MCPH1: variants seen among roughly 807,000 people sequenced by gnomAD.
The protein encoded by MCPH1 is microcephalin 1.
In MCPH1, 104 loss-of-function variants were observed where a neutral mutation model predicts 84.5. The ratio of observed to expected loss-of-function variants is 1.23; its 90% confidence interval spans 1.05 to 1.45. The LOEUF (loss-of-function observed/expected upper bound fraction) is 1.45. MCPH1 is among the 40% of genes most tolerant of loss of function. The pLI is 0.00. For missense variants in MCPH1, 1,498 were observed against 1,005.7 expected (o/e 1.49, Z -6.62); for synonymous variants, 514 against 366.8 (o/e 1.40, Z -4.58).
intron 12 of MCPH1, among the ~76,000 whole-genome samples, chr8:6,597,246 C>T (rs1168181109): frequency 6.6e-6 from 1 of 152,190 alleles, no homozygotes; most frequent in Non-Finnish European, 1.5e-5. Context: ...GCACCATGGA[C>T]GCCGTCTTTA....
chr8:6,621,833 C>A (rs910772790), intron 13 of MCPH1, 142 bp downstream of exon 13: 2 of 1,125,720 alleles, frequency 1.8e-6, no homozygotes, highest in Non-Finnish European at 2.7e-6. Context: ...TCTGCCCTGG[C>A]AGCGTCGTGT....
chr8:6,533,536 T>A (rs1819924289), intron 12 of MCPH1, among the ~76,000 whole-genome samples: 1 of 151,788 alleles, frequency 6.6e-6, no homozygotes, highest in African/African-American at 2.4e-5. Context: ...AGTCATTGTG[T>A]ATGCGTAACT....
At chr8:6,479,469 C>T (rs1586016119) in intron 10 of MCPH1, among the ~76,000 whole-genome samples, 1 of 151,632 alleles carries the variant, frequency 6.6e-6, no homozygotes, top group South Asian at 2.1e-4. Context: ...GAGTCTCCCT[C>T]TGTCACCCAG....
At chr8:6,489,357 G>T (rs569756440) in intron 11 of MCPH1, among the ~76,000 whole-genome samples, 1 of 152,134 alleles carries the variant, frequency 6.6e-6, no homozygotes, top group South Asian at 2.1e-4. Flanking sequence ...TAGCAACCTG[G>T]GGGAGACACC....
At chr8:6,435,937 AT>A (rs1304649236) in intron 4 of MCPH1, 110 bp from the exon 5 acceptor site, 20 of 1,341,882 alleles carry the variant, frequency 1.5e-5, no homozygotes, top group Non-Finnish European at 1.9e-5. Flanking sequence ...CTCTTTTAGA[AT>A]TTTTTATTAC....
chr8:6,628,328 G>A (rs1010282653), intron 13 of MCPH1, among the ~76,000 whole-genome samples: 2 of 151,758 alleles, frequency 1.3e-5, no homozygotes, highest in Admixed American at 6.6e-5. Context: ...AAAATTAGCC[G>A]GTCGTGGTGG....
At position 6,455,194 on chromosome 8, in the gene MCPH1, G is replaced by A. The variant is rs557528693; in HGVS notation, c.1877G>A (p.Gly626Asp). 2.5e-6 allele frequency: 4 copies of A among 1,613,926 alleles called. No homozygotes were observed. The highest frequency in any genetic ancestry group is 2.7e-5 in the African/African-American group (2 of 74,916). Residue 626 changes from glycine (G) to aspartate (D), a missense_variant, in exon 9 of 14, where the codon GGC (glycine) becomes GAC (aspartate). Physicochemically the swap from Gly to Asp is moderately conservative, Grantham distance 94 (BLOSUM62 -1). Transcript: ENST00000344683. ...GATGTTTTAGATGACTCATGTGACG[G>A]CTTTAAGGACCTCATCAAACCTCAT... ...RHDVLDDSCD[G>D]FKDLIKPHEE...
intron 8 of MCPH1, chr8:6,446,383 G>T (rs1804373932): frequency 1.0e-6 from 1 of 984,634 alleles, no homozygotes; most frequent in African/African-American, 1.7e-5. Flanking sequence ...TGTTTTAACT[G>T]CCTCTTTGAA....
Position 6,494,876 on chromosome 8 carries a change from A to C in MCPH1, c.2137-4976A>C, listed in dbSNP as rs73661785. ...AAATGCCATTGAATTGCACACTTTA[A>C]AATGGTTAATTGTATATTATGCCAA... On this transcript the variant is annotated intron_variant, in intron 11 of 13. Coordinates refer to ENST00000344683, the MANE Select transcript of MCPH1 (RefSeq NM_024596.5). 6.7e-3 allele frequency among the ~76,000 whole-genome samples: 1,016 copies of C among 152,306 alleles called. 10 individuals are homozygous for C. Among genetic ancestry groups the C allele is most frequent in the African/African-American group, 0.023 (975 of 41,556 alleles).
intron 2 of MCPH1, among the ~76,000 whole-genome samples, chr8:6,412,348 G>T (rs919973301): frequency 6.6e-6 from 1 of 152,220 alleles, no homozygotes; most frequent in African/African-American, 2.4e-5. Context: ...TTTGAGGGTA[G>T]CATTAAGATC....
At chr8:6,477,248 A>C (rs1037120649) in intron 9 of MCPH1, 3 of 246,134 alleles carry the variant, frequency 1.2e-5, no homozygotes, top group Admixed American at 1.0e-4. Flanking sequence ...CGAGTCTACA[A>C]AAACACCCTT....
chr8:6,559,996 T>C (rs986677075), intron 12 of MCPH1, among the ~76,000 whole-genome samples: 2 of 152,230 alleles, frequency 1.3e-5, no homozygotes, highest in African/African-American at 4.8e-5. Flanking sequence ...GTGGGACCTT[T>C]TGATGATGTG....
chr8:6,516,941 C>G (rs1012641257), intron 12 of MCPH1, among the ~76,000 whole-genome samples: 1 of 152,128 alleles, frequency 6.6e-6, no homozygotes, highest in East Asian at 1.9e-4. Flanking sequence ...TGAGTATTCG[C>G]TTTGATTCCA....
At chr8:6,413,345 A>G (rs911376962) in intron 2 of MCPH1, among the ~76,000 whole-genome samples, 20 of 151,068 alleles carry the variant, frequency 1.3e-4, no homozygotes, top group African/African-American at 4.1e-4. Flanking sequence ...CCTTTCGCCA[A>G]CCATGCTGGA....
rs537070078 is a variant in MCPH1, at chr8:6,574,648, G to T, written c.2215-46806G>T. 9.8e-5 allele frequency among the ~76,000 whole-genome samples: 15 copies of T among 152,302 alleles called. No individual in the cohort carries two copies. In the South Asian group the frequency reaches 3.1e-3, roughly 32 times the overall value. ...ACTTATAGACATGAAAAATACGATGGTTGGAATTTATAATTCAGAGTCATG... is the reference window on the plus strand; with the variant it reads ...ACTTATAGACATGAAAAATACGATGTTTGGAATTTATAATTCAGAGTCATG... On this transcript the variant is annotated intron_variant, in intron 12 of 13. Transcript: ENST00000344683.
At chr8:6,609,592 T>C (rs1000945129) in intron 12 of MCPH1, among the ~76,000 whole-genome samples, 2 of 152,214 alleles carry the variant, frequency 1.3e-5, no homozygotes, top group African/African-American at 4.8e-5. Context: ...TAACTGCTAG[T>C]TCGTCATGGA....
chr8:6,574,902 A>G (rs1826945176), intron 12 of MCPH1, among the ~76,000 whole-genome samples: 2 of 152,214 alleles, frequency 1.3e-5, no homozygotes, highest in African/African-American at 4.8e-5. Context: ...GTGATGAAAG[A>G]TATCAAGTTA....
intron 11 of MCPH1, among the ~76,000 whole-genome samples, chr8:6,495,053 C>T (rs1405149798): frequency 6.6e-6 from 1 of 152,096 alleles, no homozygotes; most frequent in African/African-American, 2.4e-5. Context: ...AGAAGAATAG[C>T]TTATTTTGGA....
intron 12 of MCPH1, among the ~76,000 whole-genome samples, chr8:6,596,674 G>A (rs781243884): frequency 7.9e-5 from 12 of 152,062 alleles, no homozygotes; most frequent in African/African-American, 1.9e-4. Context: ...ACAGTATTAC[G>A]GCATTGGGCT....
Sources: allele counts gnomAD v4.1 joint callset (sites outside exome capture counted in the v4.1 genomes callset), GRCh38; gene constraint gnomAD v4.1.1; transcripts MANE v1.5; gene names NCBI Gene and HGNC (gene_info 2026-07-23, HGNC 2026-07-21).